Variants in YES1 observed in about 807,000 individuals in gnomAD.
The protein encoded by YES1 is YES proto-oncogene 1, Src family tyrosine kinase, also known as tyrosine-protein kinase Yes.
A neutral mutation model predicts 70.4 loss-of-function variants in YES1; 39 were observed. The observed-to-expected ratio is 0.55, with a 90% confidence interval of 0.43 to 0.72. The LOEUF (loss-of-function observed/expected upper bound fraction) is 0.72, where lower values mean the gene tolerates loss of function less well. YES1 is among the 30% of genes least tolerant of loss of function. YES1 has a pLI of 0.00. For synonymous variants in YES1, 198 were observed against 218.6 expected, an observed-to-expected ratio of 0.91 and a Z score of 0.83; for missense variants, 495 against 644.8, an observed-to-expected ratio of 0.77 and a Z score of 2.52.
chr18:739,911 G>T, intron 8 of YES1, 100 bp from the exon 9 acceptor site: 3 of 861,538 alleles, frequency 3.5e-6, no homozygotes, highest in Non-Finnish European at 3.3e-6. Flanking sequence ...AAACTTCTTA[G>T]CTTTTCATTT....
intron 1 of YES1, 58 bp from the exon 2 acceptor site, chr18:756,893 A>G (rs2080414647): frequency 6.8e-7 from 1 of 1,474,758 alleles, no homozygotes; most frequent in African/African-American, 1.4e-5. Context: ...CTTCAAAAAG[A>G]CAGGGTTCAA....
intron 3 of YES1, among the ~76,000 whole-genome samples, chr18:750,281 TA>T (rs2080328208): frequency 6.6e-6 from 1 of 152,212 alleles, no homozygotes; most frequent in Non-Finnish European, 1.5e-5. Context: ...TGATTCACTC[TA>T]ACATTTACTG....
Position 811,674 on chromosome 18 carries a change from C to G in YES1, c.-9+440G>C, listed in dbSNP as rs1202149331. The stretch of plus-strand genomic sequence containing the variant: ...CGCCCCACACACCCGCTCCTCTCCC[C>G]GCACAGCTGCTACCGGCGTCGGCCG... On this transcript the variant is annotated intron_variant, in intron 1 of 11. Coordinates refer to ENST00000314574, the MANE Select transcript of YES1 (RefSeq NM_005433.4). Among the ~76,000 whole-genome samples, 5 of 152,224 alleles carry G rather than the reference C, an allele frequency of 3.3e-5. No individual in the cohort carries two copies. In the South Asian group the frequency reaches 6.2e-4, roughly 19 times the overall value.
intron 1 of YES1, among the ~76,000 whole-genome samples, chr18:782,186 T>C (rs1216787472): frequency 1.3e-5 from 2 of 152,240 alleles, no homozygotes; most frequent in Non-Finnish European, 2.9e-5. Context: ...TTTGCTACTA[T>C]GCTCATGTGC....
Position 745,710 on chromosome 18 carries a change from G to T in YES1, c.722C>A (p.Thr241Lys), listed in dbSNP as rs757945173. ...DTLQKLVKHY[T>K]EHADGLCHKL... is the part of the protein sequence containing the mutation. ...TTACCTTTGAAATATTCACATACCT[G>T]TGTAGTGTTTCACCAATTTCTGCAG... Residue 241 changes from threonine to lysine, a missense_variant and splice_region_variant, in exon 6 of 12, where the codon ACA becomes AAA. By Grantham distance (78) the Thr-to-Lys change is moderately conservative. Transcript: ENST00000314574. The T allele has an allele frequency of 1.2e-6, 2 of 1,608,244 alleles. No individual in the cohort carries two copies. The highest frequency in any genetic ancestry group is 3.4e-4 in the Middle Eastern group (2 of 5,920).
chr18:777,611 G>A (rs1347240238), intron 1 of YES1, among the ~76,000 whole-genome samples: 2 of 151,826 alleles, frequency 1.3e-5, no homozygotes, highest in Admixed American at 6.6e-5. Context: ...GTTCAAGACC[G>A]GCCTGGCCAA....
intron 1 of YES1, among the ~76,000 whole-genome samples, chr18:799,438 G>A: frequency 6.6e-6 from 1 of 152,222 alleles, no homozygotes; most frequent in East Asian, 1.9e-4. Flanking sequence ...GGCTGGGCAT[G>A]GTGGCTCACG....
chr18:737,173 C>A (rs897663428), intron 9 of YES1: 4 of 482,942 alleles, frequency 8.3e-6, no homozygotes, highest in African/African-American at 3.9e-5. Flanking sequence ...CTAACACTGG[C>A]TGGGTGCGGT....
At chr18:767,272 T>C (rs908645232) in intron 1 of YES1, among the ~76,000 whole-genome samples, 16 of 152,118 alleles carry the variant, frequency 1.1e-4, no homozygotes, top group Non-Finnish European at 2.2e-4. Context: ...ATCTCAGCCT[T>C]CTGAGCAGCT....
intron 6 of YES1, among the ~76,000 whole-genome samples, chr18:744,933 A>T (rs1334917380): frequency 6.6e-6 from 1 of 152,094 alleles, no homozygotes; most frequent in Non-Finnish European, 1.5e-5. Context: ...TAAATGAGAC[A>T]TGTTCTCTCC....
At position 723,802 on chromosome 18, in the gene YES1, A is replaced by C. The variant is rs2079986996; in HGVS notation, c.*622T>G. 6.5e-6 allele frequency: 1 copy of C among 153,172 alleles called. No homozygotes were observed. Among genetic ancestry groups the C allele is most frequent in the African/African-American group, 2.4e-5 (1 of 41,470 alleles). The allele number at this position is 153,172 out of a possible 1,614,324, so 9.5% of individuals were successfully genotyped here. ...AACATGAATATTAATGTACTGCATT[A>C]TACTTTCAAATTCCACTTCTGTGGT... On this transcript the variant is annotated 3_prime_UTR_variant, in exon 12 of 12. Transcript: ENST00000314574.
In YES1 at chr18:801,709, T is replaced by A. The variant is rs753413613; in HGVS notation, c.-9+10405A>T. 3.3e-5 allele frequency among the ~76,000 whole-genome samples: 5 copies of A among 152,216 alleles called. No individual in the cohort carries two copies. The East Asian group carries it at 7.7e-4, about 23-fold the overall frequency. On this transcript the variant is annotated intron_variant, in intron 1 of 11. Coordinates refer to ENST00000314574, the MANE Select transcript of YES1 (RefSeq NM_005433.4). The stretch of plus-strand genomic sequence containing the variant: ...CATATATATGTATAGAGAGTGTGTA[T>A]GTGTATATACAGAGAGAGAGAGAAT...
At chr18:741,118 G>A (rs916917602) in intron 8 of YES1, among the ~76,000 whole-genome samples, 5 of 152,060 alleles carry the variant, frequency 3.3e-5, no homozygotes, top group Non-Finnish European at 5.9e-5. Context: ...GGCTGGGATC[G>A]AACTCCTGAC....
At chr18:760,733 A>C (rs1904548659) in intron 1 of YES1, among the ~76,000 whole-genome samples, 1 of 152,208 alleles carries the variant, frequency 6.6e-6, no homozygotes, top group African/African-American at 2.4e-5. Context: ...AAAAAATTAA[A>C]GGTAAGTAGT....
At chr18:763,918 G>T (rs12458128) in intron 1 of YES1, among the ~76,000 whole-genome samples, 3 of 151,512 alleles carry the variant, frequency 2.0e-5, no homozygotes, top group Non-Finnish European at 4.4e-5. Flanking sequence ...TCAGGAGATC[G>T]AGACCATCCT....
In YES1 at chr18:730,371, G is replaced by C. The variant is rs552440743; in HGVS notation, c.1423+2463C>G. Among the ~76,000 whole-genome samples the C allele has an allele frequency of 2.7e-5, 4 of 149,794 alleles. No homozygotes were observed. In the South Asian group the frequency reaches 8.5e-4, roughly 32 times the overall value. ...TTTTTTTTTTTTTTTTTGAGACAGG[G>C]TCTTGCTCTGTTGCCCAGGCTGGAG... On this transcript the variant is annotated intron_variant, in intron 11 of 11. Coordinates refer to ENST00000314574, the MANE Select transcript of YES1 (RefSeq NM_005433.4).
In YES1 at chr18:785,073, T is replaced by C. The variant is rs1242328663; in HGVS notation, c.-9+27041A>G. ...CAACATAACTGTTAAATTAGGAGGA[T>C]CATGAGTGTCCAACCCTTTGAATGT... On this transcript the variant is annotated intron_variant, in intron 1 of 11. Transcript: ENST00000314574. Among the ~76,000 whole-genome samples, 3 of 152,186 alleles carry C rather than the reference T, an allele frequency of 2.0e-5. No homozygotes were observed. The East Asian group carries it at 5.8e-4, about 29-fold the overall frequency.
chr18:749,630 C>T (rs551201469), intron 3 of YES1, among the ~76,000 whole-genome samples: 6 of 151,910 alleles, frequency 3.9e-5, no homozygotes, highest in African/African-American at 9.7e-5. Flanking sequence ...CCGAGGCAGG[C>T]GGATCACAAG....
At chr18:791,142 CG>C (rs1555691081) in intron 1 of YES1, among the ~76,000 whole-genome samples, 1 of 150,688 alleles carries the variant, frequency 6.6e-6, no homozygotes, top group Non-Finnish European at 1.5e-5. Context: ...CCCAGCTTCT[CG>C]GGAGGCTGAG....
Sources: gnomAD v4.1 joint callset for allele counts (sites outside exome capture counted in the v4.1 genomes callset) on GRCh38, gnomAD v4.1.1 for gene constraint, MANE v1.5 for transcripts, NCBI Gene and HGNC (gene_info 2026-07-23, HGNC 2026-07-21) for gene names.